The following TCF20 variants were observed in gnomAD, a reference collection of about 807,000 sequenced individuals.
TCF20 encodes transcription factor 20.
TCF20 carries 3 observed loss-of-function variants against 148.6 expected under a neutral mutation model. The observed-to-expected ratio is 0.02, with a 90% CI of 0.01 to 0.05. TCF20 has a LOEUF of 0.05. Ranked by LOEUF, TCF20 falls within the 10% of genes least tolerant of loss-of-function variation. The probability of loss-of-function intolerance (pLI) is 1.00; values close to 1 mark genes in which losing one functional copy is unlikely to be tolerated. For synonymous variants in TCF20, 1,049 were observed against 909.5 expected, an observed-to-expected ratio of 1.15 and a Z score of -2.76; for missense variants, 2,350 against 2,429.3, an observed-to-expected ratio of 0.97 and a Z score of 0.69.
chr22:42,174,810 C>T (rs1169320200), intron 3 of TCF20, among the ~76,000 whole-genome samples: 2 of 151,856 alleles, frequency 1.3e-5, no homozygotes, highest in Non-Finnish European at 2.9e-5. Context: ...CCAAGGTGGG[C>T]AGATCACAAG....
chr22:42,206,447 T>G (rs913545851), intron 2 of TCF20, among the ~76,000 whole-genome samples: 4 of 152,140 alleles, frequency 2.6e-5, no homozygotes, highest in African/African-American at 7.2e-5. Context: ...TACTGTGACT[T>G]TCCAAGGAAA....
intron 2 of TCF20, 52 bp downstream of exon 2, chr22:42,209,599 G>T: frequency 1.8e-5 from 27 of 1,527,974 alleles, no homozygotes; most frequent in Non-Finnish European, 2.3e-5. Flanking sequence ...TGCAAGAAAA[G>T]GAACCAAATG....
In TCF20 at chr22:42,323,876, T is replaced by A. The variant is rs1267379758; in HGVS notation, c.-37+19603A>T. The stretch of plus-strand genomic sequence containing the variant: ...ATGGAGGTTATGGTGGTGGTGGTGG[T>A]GGTGGTGATGGAGGTTATGGTGGTG... On this transcript the variant is annotated intron_variant, in intron 1 of 1. Transcript: ENST00000515426. 4.6e-5 allele frequency among the ~76,000 whole-genome samples: 6 copies of A among 129,770 alleles called. 2 individuals are homozygous for A. The highest frequency in any genetic ancestry group is 1.1e-4 in the Non-Finnish European group (6 of 56,682). 85.1% of individuals were successfully genotyped at this position (129,770 alleles called of 152,430 possible). A position where few individuals can be genotyped will look rare whatever the true frequency, so the allele number is the denominator to read the frequency against.
intron 1 of TCF20, among the ~76,000 whole-genome samples, chr22:42,318,370 T>C (rs976027052): frequency 6.6e-6 from 1 of 151,862 alleles, no homozygotes; most frequent in African/African-American, 2.4e-5. Context: ...CAGGGAACAA[T>C]TGGCTAAAAT....
intron 1 of TCF20, among the ~76,000 whole-genome samples, chr22:42,282,508 T>G (rs1926923399): frequency 6.6e-6 from 1 of 152,202 alleles, no homozygotes; most frequent in South Asian, 2.1e-4. Context: ...AGGCCAGCAC[T>G]GTAGCCGGGG....
rs113675955 is a variant in TCF20 at position 42,242,227 on chromosome 22, A to C, written c.-36-26886T>G. On this transcript the variant is annotated intron_variant, in intron 1 of 5. Transcript: ENST00000677622. ...CAAAAAAAAAAAAAAAAAAAAAAAA[A>C]CAGAAAAGAAAGGGTGACTACAAGG... Among the ~76,000 whole-genome samples the C allele has an allele frequency of 4.9e-5, 6 of 122,768 alleles. No homozygotes were observed. In the South Asian group the frequency reaches 7.6e-4, roughly 16 times the overall value. 80.5% of individuals were successfully genotyped at this position (122,768 alleles called of 152,430 possible).
intron 1 of TCF20, among the ~76,000 whole-genome samples, chr22:42,318,432 A>G (rs1927673482): frequency 6.6e-6 from 1 of 152,054 alleles, no homozygotes; most frequent in Non-Finnish European, 1.5e-5. Flanking sequence ...AGAGGGGAGG[A>G]GGAGGAGGGA....
At chr22:42,257,461 C>T (rs188948829) in intron 1 of TCF20, among the ~76,000 whole-genome samples, 3 of 152,170 alleles carry the variant, frequency 2.0e-5, no homozygotes, top group East Asian at 3.9e-4. Flanking sequence ...TACAAATTTG[C>T]GATGAAACAG....
intron 1 of TCF20, among the ~76,000 whole-genome samples, chr22:42,291,549 C>T (rs753194527): frequency 4.6e-5 from 7 of 152,132 alleles, no homozygotes; most frequent in South Asian, 2.1e-4. Flanking sequence ...GTGCTGGGAC[C>T]GCCTCTGGGA....
At chr22:42,167,709 A>G (rs1372928562) in intron 5 of TCF20, among the ~76,000 whole-genome samples, 1 of 151,894 alleles carries the variant, frequency 6.6e-6, no homozygotes, top group African/African-American at 2.4e-5. Flanking sequence ...AGCAAGCACA[A>G]CTCAATCACA....
intron 1 of TCF20, among the ~76,000 whole-genome samples, chr22:42,328,966 C>A (rs1221839028): frequency 6.6e-6 from 1 of 152,222 alleles, no homozygotes; most frequent in Non-Finnish European, 1.5e-5. Context: ...AACCACATGA[C>A]CCCAGGCCCA....
chr22:42,233,174 G>A (rs1923587378), intron 1 of TCF20, among the ~76,000 whole-genome samples: 1 of 152,038 alleles, frequency 6.6e-6, no homozygotes, highest in Non-Finnish European at 1.5e-5. Context: ...CACCTGCCTC[G>A]GCCTCCCAAA....
At chr22:42,329,387 C>T (rs544954491) in intron 1 of TCF20, among the ~76,000 whole-genome samples, 3 of 152,350 alleles carry the variant, frequency 2.0e-5, no homozygotes, top group South Asian at 4.1e-4. Flanking sequence ...CAGATGACCA[C>T]GTAGGACTCA....
chr22:42,236,054 C>T (rs1049641836), intron 1 of TCF20, among the ~76,000 whole-genome samples: 4 of 152,078 alleles, frequency 2.6e-5, no homozygotes, highest in Admixed American at 1.3e-4. Flanking sequence ...ATTAGCTGGG[C>T]ATGGTGGCAG....
At chr22:42,278,184 G>T (rs763706967) in intron 1 of TCF20, 1 of 152,222 alleles carries the variant, frequency 6.6e-6, no homozygotes, top group African/African-American at 2.4e-5. Flanking sequence ...GCCTGCGGCC[G>T]TCTGGTGAAT....
At position 42,211,646 on chromosome 22, in the gene TCF20, T is replaced by C; in HGVS notation, c.3660A>G (p.Gly1220=). ...KRYGPPHETD[G]HGLAEATQSS... is the part of the protein sequence containing the mutation. Reference sequence around the variant, plus strand: ...ACTGTGTAGCCTCAGCTAGTCCATGTCCATCAGTCTCATGGGGCGGCCCAT... The same window carrying C: ...ACTGTGTAGCCTCAGCTAGTCCATGCCCATCAGTCTCATGGGGCGGCCCAT... The change falls in exon 2 of 6, where the codon GGA becomes GGG. Residue 1220 remains glycine (G), a synonymous_variant. Coordinates refer to ENST00000677622, the MANE Select transcript of TCF20 (RefSeq NM_001378418.1). 3.1e-6 allele frequency: 5 copies of C among 1,614,220 alleles called. No individual in the cohort carries two copies. The highest frequency in any genetic ancestry group is 2.2e-5 in the East Asian group (1 of 44,888).
At chr22:42,333,820 G>T (rs1393695889) in intron 1 of TCF20, among the ~76,000 whole-genome samples, 2 of 152,234 alleles carry the variant, frequency 1.3e-5, no homozygotes, top group Non-Finnish European at 2.9e-5. Context: ...TATGTGCCAG[G>T]CCTGGCCTAG....
chr22:42,215,565 G>T, intron 1 of TCF20: 1 of 508,658 alleles, frequency 2.0e-6, no homozygotes, highest in East Asian at 3.4e-5. Flanking sequence ...CTGCCTGCAG[G>T]GTTCAAGCAA....
At chr22:42,336,853 A>G (rs1601711436) in intron 1 of TCF20, among the ~76,000 whole-genome samples, 1 of 152,038 alleles carries the variant, frequency 6.6e-6, no homozygotes, top group South Asian at 2.1e-4. Flanking sequence ...TCTTGCAGAG[A>G]CCTCTCCAGA....
Sources: allele counts gnomAD v4.1 joint callset (sites outside exome capture counted in the v4.1 genomes callset), GRCh38; gene constraint gnomAD v4.1.1; transcripts MANE v1.5; gene names NCBI Gene and HGNC (gene_info 2026-07-23, HGNC 2026-07-21).